Variants in UBR1 observed in about 807,000 individuals in gnomAD.
UBR1 encodes the protein E3 ubiquitin-protein ligase UBR1.
UBR1 carries 102 observed loss-of-function variants against 242.1 expected under a neutral mutation model. The ratio of observed to expected loss-of-function variants is 0.42; its 90% CI spans 0.36 to 0.50. The LOEUF is 0.50. Ranked by LOEUF, UBR1 falls within the 20% of genes least tolerant of loss-of-function variation. The pLI is 0.01. For synonymous variants in UBR1, 675 were observed against 684.8 expected (o/e 0.99, Z 0.22); for missense variants, 1,772 against 2,101.8 (o/e 0.84, Z 3.07).
rs974770937 is a variant in UBR1 at position 43,007,340 on chromosome 15, A to G, written c.3210-56T>C. ...ACATGTTTTGGTCACTTGTCTTCATATTTTGGTAGATTTTAAGTAACTATA... is the reference window on the plus strand; with the variant it reads ...ACATGTTTTGGTCACTTGTCTTCATGTTTTGGTAGATTTTAAGTAACTATA... On this transcript the variant is annotated intron_variant, in intron 29 of 46. Transcript: ENST00000290650. 3.8e-5 allele frequency: 57 copies of G among 1,513,064 alleles called. No individual in the cohort carries two copies. In the East Asian group the frequency reaches 1.3e-3, roughly 34 times the overall value. 93.7% of individuals were successfully genotyped at this position (1,513,064 alleles called of 1,614,324 possible).
intron 19 of UBR1, among the ~76,000 whole-genome samples, chr15:43,035,966 T>C (rs886423761): frequency 6.7e-6 from 1 of 149,306 alleles, no homozygotes; most frequent in Non-Finnish European, 1.5e-5. Context: ...CATTGGGAGA[T>C]ATACCTAATG....
chr15:43,038,081 G>A (rs2033360813), intron 16 of UBR1, 90 bp downstream of exon 16: 1 of 1,458,806 alleles, frequency 6.9e-7, no homozygotes, highest in African/African-American at 1.4e-5. Context: ...CCTCAGGTGG[G>A]TTTCTAAATA....
chr15:43,083,672 G>A (rs2141358747), intron 2 of UBR1, among the ~76,000 whole-genome samples: 1 of 152,102 alleles, frequency 6.6e-6, no homozygotes, highest in African/African-American at 2.4e-5. Flanking sequence ...GTGAGCCTCT[G>A]CACCTGGCCA....
chr15:43,043,457 T>G (rs1345454529), intron 14 of UBR1, 62 bp from the exon 15 acceptor site: 1 of 1,539,448 alleles, frequency 6.5e-7, no homozygotes, highest in Non-Finnish European at 9.0e-7. Context: ...TTTTTTGTTT[T>G]GTTTTGAGAC....
Position 43,008,800 on chromosome 15 carries a change from G to A in UBR1, c.3210-1516C>T, listed in dbSNP as rs1051095532. On this transcript the variant is annotated intron_variant, in intron 29 of 46. Coordinates refer to ENST00000290650, the MANE Select transcript of UBR1 (RefSeq NM_174916.3). ...ACATGGAGACTACAGCTGCAGGAAG[G>A]AGCTACCCAATTCAAGTCTCCTGAC... 4.6e-5 allele frequency among the ~76,000 whole-genome samples: 7 copies of A among 152,308 alleles called. 1 individual carries two copies. The highest frequency in any genetic ancestry group is 3.9e-4 in the East Asian group (2 of 5,180).
At chr15:43,016,551 A>G (rs963975794) in intron 28 of UBR1, among the ~76,000 whole-genome samples, 1 of 152,190 alleles carries the variant, frequency 6.6e-6, no homozygotes, top group African/African-American at 2.4e-5. Flanking sequence ...TCACTAAAAT[A>G]TATTAAAAGT....
At position 43,025,378 on chromosome 15, in the gene UBR1, T is replaced by C; in HGVS notation, c.2584+3A>G. On this transcript the variant is annotated splice_donor_region_variant and intron_variant, in intron 24 of 46. Coordinates refer to ENST00000290650, the MANE Select transcript of UBR1 (RefSeq NM_174916.3). ...TGAGTCAATTCAGAATCTCACTTTT[T>C]ACCTTCATCTTTGTTTTCTTGTTTT... is the stretch of plus-strand genomic sequence containing the variant. The C allele has an allele frequency of 6.2e-7, 1 of 1,608,424 alleles. No individual in the cohort carries two copies. Among genetic ancestry groups the C allele is most frequent in the Non-Finnish European group, 8.5e-7 (1 of 1,176,746 alleles).
intron 40 of UBR1, among the ~76,000 whole-genome samples, chr15:42,968,367 C>G (rs1422588745): frequency 6.6e-6 from 1 of 151,478 alleles, no homozygotes; most frequent in African/African-American, 2.4e-5. Flanking sequence ...CAAAGTCATG[C>G]TAAAAGCCCT....
rs181770623 is a variant in UBR1 at position 43,022,836 on chromosome 15, G to A, written c.2740-35C>T. 2.8e-4 allele frequency: 357 copies of A among 1,291,730 alleles called. 2 individuals are homozygous for A. The African/African-American group carries it at 3.5e-3, about 13-fold the overall frequency. 80.0% of individuals were successfully genotyped at this position (1,291,730 alleles called of 1,614,324 possible). A position where few individuals can be genotyped will look rare whatever the true frequency, so the allele number is the denominator to read the frequency against. The stretch of plus-strand genomic sequence containing the variant: ...GAAAATAAGAGATCTTTAAAATTGC[G>A]CTTCTTCAGGTAAATATATTTTTAA... On this transcript the variant is annotated intron_variant, in intron 25 of 46. Transcript: ENST00000290650.
chr15:43,067,770 C>T (rs1596128016), intron 6 of UBR1, 128 bp downstream of exon 6: 1 of 998,898 alleles, frequency 1.0e-6, no homozygotes, highest in East Asian at 2.6e-5. Flanking sequence ...ACCAATTTAC[C>T]TAGGATGTAA....
chr15:42,972,459 C>G (rs750003180), intron 39 of UBR1, among the ~76,000 whole-genome samples: 24 of 152,200 alleles, frequency 1.6e-4, no homozygotes, highest in Middle Eastern at 6.8e-3. Context: ...ACCCCCGCCT[C>G]CTGGGTTCCA....
intron 30 of UBR1, among the ~76,000 whole-genome samples, chr15:43,005,323 C>CGGGA (rs756763363): frequency 2.6e-4 from 6 of 22,956 alleles, no homozygotes; most frequent in Non-Finnish European, 4.2e-4. Context: ...CCGCCCCATC[C>CGGGA]GGGAGGTGGG....
At chr15:43,076,727 G>A (rs1489926678) in intron 3 of UBR1, among the ~76,000 whole-genome samples, 2 of 146,142 alleles carry the variant, frequency 1.4e-5, no homozygotes, top group African/African-American at 2.5e-5. Flanking sequence ...CGTCTGGGAA[G>A]TGAGGAGCGT....
At chr15:42,990,282 G>A (rs1370972636) in intron 33 of UBR1, among the ~76,000 whole-genome samples, 162 bp from the exon 34 acceptor site, 2 of 152,084 alleles carry the variant, frequency 1.3e-5, no homozygotes, top group Non-Finnish European at 2.9e-5. Context: ...AGGCTCAAGC[G>A]ATCCTCCCAA....
At chr15:43,059,616 T>A in intron 8 of UBR1, 86 bp downstream of exon 8, 1 of 1,503,210 alleles carries the variant, frequency 6.7e-7, no homozygotes, top group Non-Finnish European at 9.0e-7. Flanking sequence ...AAAAACTTTA[T>A]TTCATACTCA....
chr15:42,967,770 C>T (rs541714868), intron 40 of UBR1, among the ~76,000 whole-genome samples: 2 of 151,522 alleles, frequency 1.3e-5, no homozygotes, highest in East Asian at 3.9e-4. Context: ...CCTAAAATGT[C>T]TCTAAAAAAC....
At chr15:42,998,821 A>C (rs914947642) in intron 32 of UBR1, among the ~76,000 whole-genome samples, 1 of 152,132 alleles carries the variant, frequency 6.6e-6, no homozygotes, top group African/African-American at 2.4e-5. Flanking sequence ...GGATCATATA[A>C]CTTCTAATCT....
intron 25 of UBR1, among the ~76,000 whole-genome samples, chr15:43,023,976 T>C (rs1200051178): frequency 1.3e-5 from 2 of 152,238 alleles, no homozygotes; most frequent in Non-Finnish European, 2.9e-5. Flanking sequence ...AGGAGACTAC[T>C]GAAACACATT....
At position 43,034,669 on chromosome 15, in the gene UBR1, C is replaced by A. The variant is rs563484167; in HGVS notation, c.2190+1509G>T. 2.1e-4 allele frequency among the ~76,000 whole-genome samples: 32 copies of A among 151,796 alleles called. No homozygotes were observed. In the South Asian group the frequency reaches 6.4e-3, roughly 31 times the overall value. ...GGGAGGCCAAGGCGGGCAGATCACCCGAGGTCAGAAGTTCGAGACCAGCCT... is the reference window on the plus strand; with the variant it reads ...GGGAGGCCAAGGCGGGCAGATCACCAGAGGTCAGAAGTTCGAGACCAGCCT... On this transcript the variant is annotated intron_variant, in intron 19 of 46. Coordinates refer to ENST00000290650, the MANE Select transcript of UBR1 (RefSeq NM_174916.3).
Sources: gnomAD v4.1 joint callset for allele counts (sites outside exome capture counted in the v4.1 genomes callset) on GRCh38, gnomAD v4.1.1 for gene constraint, MANE v1.5 for transcripts, NCBI Gene and HGNC (gene_info 2026-07-23, HGNC 2026-07-21) for gene names.